Variants in PYHIN1 observed in about 807,000 individuals in gnomAD.
The protein encoded by PYHIN1 is pyrin and HIN domain-containing protein 1.
A neutral mutation model predicts 43.7 loss-of-function variants in PYHIN1; 32 were observed. That is an observed-to-expected ratio of 0.73 (90% CI 0.55 to 0.98). The LOEUF (loss-of-function observed/expected upper bound fraction) is 0.98. Among genes scored for constraint, PYHIN1 ranks in the 50% least tolerant of loss-of-function variants. The pLI, the probability that PYHIN1 is intolerant of heterozygous loss-of-function variation, is 0.00. For synonymous variants in PYHIN1, 205 were observed against 203.1 expected, an observed-to-expected ratio of 1.01 and a Z score of -0.08; for missense variants, 588 against 589.5, an observed-to-expected ratio of 1.00 and a Z score of 0.03.
chr1:158,980,403 C>T (rs974719701), downstream of PYHIN1, among the ~76,000 whole-genome samples: 14 of 151,920 alleles, frequency 9.2e-5, no homozygotes, highest in African/African-American at 2.9e-4. Flanking sequence ...TTGGGCAAAA[C>T]GAGCCGTATT....
At chr1:158,971,700 G>A in intron 7 of PYHIN1, among the ~76,000 whole-genome samples, 1 of 151,902 alleles carries the variant, frequency 6.6e-6, no homozygotes, top group Middle Eastern at 3.2e-3. Flanking sequence ...TCATCCATTT[G>A]GCTAACATTG....
chr1:158,940,075 A>T (rs1306223297), intron 4 of PYHIN1: 1 of 152,828 alleles, frequency 6.5e-6, no homozygotes, highest in African/African-American at 2.4e-5. Flanking sequence ...AATACAAAAA[A>T]ATTAGCTGGG....
chr1:158,983,117 T>C, the PYHIN1 span, among the ~76,000 whole-genome samples: 14 of 151,642 alleles, frequency 9.2e-5, no homozygotes, highest in Non-Finnish European at 1.6e-4. Flanking sequence ...TTCTTTCTAT[T>C]TGGACGTCTT....
chr1:158,943,528 A>G (rs1159975807), intron 5 of PYHIN1, among the ~76,000 whole-genome samples: 2 of 152,168 alleles, frequency 1.3e-5, no homozygotes, highest in Non-Finnish European at 2.9e-5. Context: ...GCAGTCTTGG[A>G]GGTGAAAGAA....
intron 7 of PYHIN1, among the ~76,000 whole-genome samples, chr1:158,970,945 G>C (rs1411800608): frequency 6.6e-6 from 1 of 152,036 alleles, no homozygotes; most frequent in East Asian, 1.9e-4. Flanking sequence ...AAGATAATTA[G>C]TATTAGTTGA....
At chr1:158,951,069 A>T (rs563369749) in intron 7 of PYHIN1, among the ~76,000 whole-genome samples, 1 of 152,326 alleles carries the variant, frequency 6.6e-6, no homozygotes, top group South Asian at 2.1e-4. Flanking sequence ...ATTAGGTTCT[A>T]GTCCTCTAGG....
At chr1:158,954,166 G>A (rs1649771939) in intron 7 of PYHIN1, among the ~76,000 whole-genome samples, 1 of 24,356 alleles carries the variant, frequency 4.1e-5, no homozygotes, top group Non-Finnish European at 8.8e-5. Flanking sequence ...AACCAAGTTG[G>A]AAAACACTCT....
intron 7 of PYHIN1, among the ~76,000 whole-genome samples, chr1:158,971,216 T>G (rs2101731855): frequency 6.6e-6 from 1 of 152,074 alleles, no homozygotes; most frequent in Admixed American, 6.6e-5. Flanking sequence ...TCCTTCCATC[T>G]CCTTAAGGAC....
At chr1:158,989,509 C>T in the PYHIN1 span, among the ~76,000 whole-genome samples, 9 of 152,270 alleles carry the variant, frequency 5.9e-5, no homozygotes, top group South Asian at 1.7e-3. Context: ...AATTCAATAA[C>T]ACTGGTGTCC....
chr1:158,977,388 T>C (rs1051504666), downstream of PYHIN1, among the ~76,000 whole-genome samples: 4 of 152,188 alleles, frequency 2.6e-5, no homozygotes, highest in African/African-American at 9.6e-5. Context: ...TTTCTGGTGA[T>C]GTGCATGAAG....
At chr1:158,962,868 G>A (rs1650406521) in intron 7 of PYHIN1, among the ~76,000 whole-genome samples, 1 of 152,146 alleles carries the variant, frequency 6.6e-6, no homozygotes. Context: ...GGGTCCCAGA[G>A]GCAACTGACA....
chr1:158,970,113 C>T, intron 7 of PYHIN1, among the ~76,000 whole-genome samples: 1 of 151,902 alleles, frequency 6.6e-6, no homozygotes, highest in Admixed American at 6.6e-5. Flanking sequence ...TGTCATGACT[C>T]ATCTAAAGCA....
At chr1:158,970,188 A>G (rs1012626178) in intron 7 of PYHIN1, among the ~76,000 whole-genome samples, 6 of 152,034 alleles carry the variant, frequency 3.9e-5, no homozygotes, top group Admixed American at 1.3e-4. Flanking sequence ...TATGAGGAAA[A>G]TAATCAGCAA....
intron 7 of PYHIN1, among the ~76,000 whole-genome samples, chr1:158,961,537 C>A (rs856072): frequency 6.6e-6 from 1 of 151,630 alleles, no homozygotes; most frequent in South Asian, 2.1e-4. Context: ...ACCGAGAAAA[C>A]AACTTTACCC....
chr1:158,955,912 A>C (rs1649891127), intron 7 of PYHIN1, among the ~76,000 whole-genome samples: 1 of 87,996 alleles, frequency 1.1e-5, no homozygotes, highest in Admixed American at 1.3e-4. Flanking sequence ...AAAAAATGAT[A>C]AAGGGGATAT....
rs1648309385 is a variant in PYHIN1 at position 158,933,661 on chromosome 1, T to C, written c.-21+1885T>C. ...TTGGCCTGCTTCTGCTATCTTCACT[T>C]CAATTTATAACACTTCTATATTCTC... On this transcript the variant is annotated intron_variant, in intron 1 of 8. Coordinates refer to ENST00000368140, the MANE Select transcript of PYHIN1 (RefSeq NM_152501.5). This position sits in a 1 kb window ranked among gnomAD's most constrained non-coding sequence, Gnocchi z 6.3. Among the ~76,000 whole-genome samples the C allele has an allele frequency of 6.6e-6, 1 of 152,074 alleles. No individual in the cohort carries two copies. Among genetic ancestry groups the C allele is most frequent in the African/African-American group, 2.4e-5 (1 of 41,436 alleles).
At chr1:158,967,165 C>T (rs1650675529) in intron 7 of PYHIN1, among the ~76,000 whole-genome samples, 1 of 151,898 alleles carries the variant, frequency 6.6e-6, no homozygotes, top group African/African-American at 2.4e-5. Context: ...GGTTGGAAAT[C>T]ACCATACTAC....
chr1:158,990,656 A>G, the PYHIN1 span, among the ~76,000 whole-genome samples: 1 of 152,042 alleles, frequency 6.6e-6, no homozygotes, highest in Non-Finnish European at 1.5e-5. Flanking sequence ...TTTGACCAAC[A>G]TTTTCCCATT....
intron 2 of PYHIN1, among the ~76,000 whole-genome samples, chr1:158,937,815 A>G (rs901847317): frequency 6.6e-5 from 10 of 152,014 alleles, no homozygotes; most frequent in Non-Finnish European, 1.2e-4. Context: ...GCGTGGTGGC[A>G]GGCACCTGTA....
Sources: allele counts gnomAD v4.1 joint callset (sites outside exome capture counted in the v4.1 genomes callset), GRCh38; gene constraint gnomAD v4.1.1; non-coding constraint Gnocchi (gnomAD v3.1); transcripts MANE v1.5; gene names NCBI Gene and HGNC (gene_info 2026-07-23, HGNC 2026-07-21).